The following GRM7 variants were observed in gnomAD, a reference collection of about 807,000 sequenced individuals.
GRM7 encodes glutamate metabotropic receptor 7.
A neutral mutation model predicts 84.5 loss-of-function variants in GRM7; 35 were observed. The ratio of observed to expected loss-of-function variants is 0.41; its 90% CI spans 0.32 to 0.55. The LOEUF (loss-of-function observed/expected upper bound fraction) is 0.55, where lower values mean the gene tolerates loss of function less well. Among genes scored for constraint, GRM7 ranks in the 20% least tolerant of loss-of-function variants. GRM7 has a pLI of 0.19. For missense variants in GRM7, 1,003 were observed against 1,194.6 expected, an observed-to-expected ratio of 0.84 and a Z score of 2.36; for synonymous variants, 487 against 455.1, an observed-to-expected ratio of 1.07 and a Z score of -0.89.
chr3:7,471,912 TC>T (rs1698718155), intron 7 of GRM7, among the ~76,000 whole-genome samples: 1 of 152,274 alleles, frequency 6.6e-6, no homozygotes, highest in African/African-American at 2.4e-5. Flanking sequence ...GTTTGCCCCC[TC>T]CAAACCTCAT....
chr3:7,070,562 G>T (rs1697834756), intron 1 of GRM7, among the ~76,000 whole-genome samples: 1 of 152,000 alleles, frequency 6.6e-6, no homozygotes, highest in East Asian at 1.9e-4. Context: ...CGTAGGATTT[G>T]TTCCTTTGAT....
intron 7 of GRM7, among the ~76,000 whole-genome samples, chr3:7,481,367 A>G (rs755580887): frequency 3.9e-5 from 6 of 152,176 alleles, no homozygotes; most frequent in Non-Finnish European, 2.9e-5. Flanking sequence ...TGCTGGGATT[A>G]TATGCATGAA....
intron 8 of GRM7, among the ~76,000 whole-genome samples, chr3:7,599,493 A>G (rs888770420): frequency 2.6e-5 from 4 of 152,106 alleles, no homozygotes; most frequent in Non-Finnish European, 5.9e-5. Context: ...CAGTTTTCAC[A>G]TTAACACCTG....
chr3:7,444,565 T>C (rs569290412), intron 5 of GRM7, among the ~76,000 whole-genome samples: 1 of 152,306 alleles, frequency 6.6e-6, no homozygotes, highest in South Asian at 2.1e-4. Flanking sequence ...AACAAATTGC[T>C]CTTGGCCATA....
chr3:7,123,743 A>G (rs1320952472), intron 1 of GRM7, among the ~76,000 whole-genome samples: 1 of 152,138 alleles, frequency 6.6e-6, no homozygotes, highest in Non-Finnish European at 1.5e-5. Flanking sequence ...TCAGCCTTGG[A>G]GGTCAACGCT....
chr3:7,110,591 T>TCACA (rs370212342), intron 1 of GRM7, among the ~76,000 whole-genome samples: 9,444 of 143,632 alleles, frequency 0.066, 975 homozygotes, highest in African/African-American at 0.22. Context: ...CGATACTCTG[T>TCACA]CACACACACA....
At chr3:7,420,280 GT>G (rs59506442) in intron 5 of GRM7, among the ~76,000 whole-genome samples, 3 of 151,914 alleles carry the variant, frequency 2.0e-5, no homozygotes, top group Non-Finnish European at 4.4e-5. Context: ...ATACTGATTA[GT>G]TTTTTTATAC....
At position 6,999,336 on chromosome 3, in the gene GRM7, C is replaced by T. The variant is rs111783799; in HGVS notation, c.519+137429C>T. Among the ~76,000 whole-genome samples the T allele has an allele frequency of 3.3e-4, 51 of 152,294 alleles. 2 individuals are homozygous for T. The highest frequency in any genetic ancestry group is 1.4e-3 in the East Asian group (7 of 5,178). On this transcript the variant is annotated intron_variant, in intron 1 of 9. Transcript: ENST00000357716. ...CAGCATTTTGGTCAAAGTCATTCAA[C>T]AGGTCTCCAAGAAGTTTCAAACTTT...
intron 9 of GRM7, among the ~76,000 whole-genome samples, chr3:7,714,482 T>C (rs770507301): frequency 1.3e-5 from 2 of 152,196 alleles, no homozygotes; most frequent in African/African-American, 4.8e-5. Flanking sequence ...AATGTTTGGA[T>C]TGTCGACCAG....
intron 2 of GRM7, among the ~76,000 whole-genome samples, chr3:7,162,960 A>G (rs1182519286): frequency 6.6e-6 from 1 of 151,388 alleles, no homozygotes; most frequent in African/African-American, 2.4e-5. Flanking sequence ...TGATTTCACC[A>G]TGTTGGCCAG....
chr3:7,226,376 G>T (rs536628760), intron 2 of GRM7, among the ~76,000 whole-genome samples: 101 of 152,180 alleles, frequency 6.6e-4, no homozygotes, highest in Non-Finnish European at 1.2e-3. Context: ...GTGACTAAGG[G>T]CTCTGGCTTT....
chr3:7,003,841 C>T (rs928407822), intron 1 of GRM7, among the ~76,000 whole-genome samples: 1 of 152,090 alleles, frequency 6.6e-6, no homozygotes, highest in Admixed American at 6.5e-5. Flanking sequence ...GAATAATTAG[C>T]AGGTTAGCTA....
At chr3:7,285,258 T>C (rs980472970) in intron 2 of GRM7, among the ~76,000 whole-genome samples, 5 of 152,154 alleles carry the variant, frequency 3.3e-5, no homozygotes, top group East Asian at 1.9e-4. Context: ...ATTTTTTCCC[T>C]GATGTTGTTT....
In GRM7 at chr3:7,386,424, C is replaced by A. The variant is rs373241255; in HGVS notation, c.1034-28599C>A. 9.1e-4 allele frequency among the ~76,000 whole-genome samples: 138 copies of A among 152,274 alleles called. 4 individuals are homozygous for A. The South Asian group carries it at 0.026, about 29-fold the overall frequency. ...TAGATGTTCAACCCTTGTCCCATTT[C>A]CATCCTCCCCGCTTTTGGAATCTCC... On this transcript the variant is annotated intron_variant, in intron 4 of 9. Transcript: ENST00000357716.
chr3:7,088,803 G>A (rs1698556080), intron 1 of GRM7, among the ~76,000 whole-genome samples: 2 of 150,732 alleles, frequency 1.3e-5, no homozygotes, highest in Non-Finnish European at 2.9e-5. Flanking sequence ...CAACTACTAT[G>A]TGGAGGAACG....
At chr3:7,579,471 T>C (rs1485172) in intron 8 of GRM7, 114 bp downstream of exon 8, 347,788 of 633,218 alleles carry the variant, frequency 0.55, 96,709 homozygotes, top group Non-Finnish European at 0.56. Context: ...GAATGGTATT[T>C]CCAAGAGTAG....
At chr3:6,997,945 C>A (rs1039685035) in intron 1 of GRM7, among the ~76,000 whole-genome samples, 1 of 151,320 alleles carries the variant, frequency 6.6e-6, no homozygotes, top group Admixed American at 6.6e-5. Context: ...TATGGTGAAA[C>A]CCCATCTCTA....
At chr3:7,613,477 G>A (rs191649744) in intron 8 of GRM7, among the ~76,000 whole-genome samples, 48 of 152,196 alleles carry the variant, frequency 3.2e-4, no homozygotes, top group Admixed American at 9.8e-4. Context: ...CATCCCTGAC[G>A]CTCAGAAAAA....
rs112280182 is a variant in GRM7, at chr3:7,144,981, G to T, written c.520-1471G>T. 9.2e-5 allele frequency among the ~76,000 whole-genome samples: 14 copies of T among 152,268 alleles called. 1 individual carries two copies. Among genetic ancestry groups the T allele is most frequent in the African/African-American group, 3.4e-4 (14 of 41,540 alleles). On this transcript the variant is annotated intron_variant, in intron 1 of 9. Coordinates refer to ENST00000357716, the MANE Select transcript of GRM7 (RefSeq NM_000844.4). ...GGGTCGTCTGATTTCAGGGCCACAGGACTTAACTCTAATGCTGACCTAGAA... is the reference window on the plus strand; with the variant it reads ...GGGTCGTCTGATTTCAGGGCCACAGTACTTAACTCTAATGCTGACCTAGAA...
Sources: allele counts gnomAD v4.1 joint callset (sites outside exome capture counted in the v4.1 genomes callset), GRCh38; gene constraint gnomAD v4.1.1; transcripts MANE v1.5; gene names NCBI Gene and HGNC (gene_info 2026-07-23, HGNC 2026-07-21).